Variants in SUGCT observed in about 807,000 individuals in gnomAD.
SUGCT encodes succinyl-CoA:glutarate-CoA transferase.
In SUGCT, 41 loss-of-function variants were observed where a neutral mutation model predicts 55.0. That is an observed-to-expected ratio of 0.74 (90% CI 0.58 to 0.97). SUGCT has a LOEUF of 0.97. Among genes scored for constraint, SUGCT ranks in the 50% least tolerant of loss-of-function variants. SUGCT has a pLI of 0.00. For synonymous variants in SUGCT, 187 were observed against 200.4 expected, an observed-to-expected ratio of 0.93 and a Z score of 0.56; for missense variants, 568 against 547.8, an observed-to-expected ratio of 1.04 and a Z score of -0.37.
At chr7:40,504,342 A>G (rs1470268434) in intron 12 of SUGCT, among the ~76,000 whole-genome samples, 4 of 152,164 alleles carry the variant, frequency 2.6e-5, no homozygotes, top group Non-Finnish European at 5.9e-5. Context: ...ATGAGATCTC[A>G]CTATGTTGCC....
intron 12 of SUGCT, among the ~76,000 whole-genome samples, chr7:40,673,373 C>T (rs1802036079): frequency 6.6e-6 from 1 of 152,146 alleles, no homozygotes; most frequent in Non-Finnish European, 1.5e-5. Context: ...TATAAACCAC[C>T]TGTGGGCTCT....
intron 12 of SUGCT, among the ~76,000 whole-genome samples, chr7:40,531,759 C>G (rs572212855): frequency 6.6e-6 from 1 of 152,164 alleles, no homozygotes; most frequent in East Asian, 1.9e-4. Flanking sequence ...CTGTAAGCTC[C>G]GCTTCCCGGG....
intron 6 of SUGCT, among the ~76,000 whole-genome samples, chr7:40,196,979 C>G (rs1474624246): frequency 6.6e-6 from 1 of 152,018 alleles, no homozygotes; most frequent in Non-Finnish European, 1.5e-5. Flanking sequence ...GGATTACGGG[C>G]ATGTACCACC....
At chr7:40,241,466 C>T (rs1033029729) in intron 7 of SUGCT, among the ~76,000 whole-genome samples, 29 of 151,334 alleles carry the variant, frequency 1.9e-4, no homozygotes, top group African/African-American at 6.8e-4. Flanking sequence ...GTAATCCCAG[C>T]CACCCGGAAG....
intron 9 of SUGCT, among the ~76,000 whole-genome samples, chr7:40,329,515 A>T (rs1225445104): frequency 6.6e-6 from 1 of 152,146 alleles, no homozygotes; most frequent in Non-Finnish European, 1.5e-5. Flanking sequence ...TCACCTGGAA[A>T]GTATTTACTC....
chr7:40,981,781 C>G, the SUGCT span, among the ~76,000 whole-genome samples: 52 of 152,298 alleles, frequency 3.4e-4, 2 homozygotes, highest in South Asian at 0.011. Flanking sequence ...ACAAATATTG[C>G]CTTTCCTCCA....
At position 40,227,670 on chromosome 7, in the gene SUGCT, A is replaced by T. The variant is rs373488080; in HGVS notation, c.485-9965A>T. On this transcript the variant is annotated intron_variant, in intron 6 of 13. Coordinates refer to ENST00000335693, the MANE Select transcript of SUGCT (RefSeq NM_001193313.2). ...TATACGTCTCAATTATTTTAAAGCAAACCTCAGATTTCATCATTTCATTTC... is the reference window on the plus strand; with the variant it reads ...TATACGTCTCAATTATTTTAAAGCATACCTCAGATTTCATCATTTCATTTC... Among the ~76,000 whole-genome samples, 52 of 152,096 alleles carry T rather than the reference A, an allele frequency of 3.4e-4. No homozygotes were observed. The South Asian group carries it at 8.9e-3, about 26-fold the overall frequency.
At chr7:40,936,964 C>A in the SUGCT span, among the ~76,000 whole-genome samples, 2 of 151,926 alleles carry the variant, frequency 1.3e-5, no homozygotes, top group South Asian at 2.1e-4. Flanking sequence ...CATGTCAATT[C>A]TTTGTATGAT....
At chr7:40,273,601 A>C (rs1490174983) in intron 7 of SUGCT, among the ~76,000 whole-genome samples, 2 of 152,196 alleles carry the variant, frequency 1.3e-5, no homozygotes, top group Non-Finnish European at 2.9e-5. Flanking sequence ...CAAGGATTGG[A>C]TTGTCAAATC....
At chr7:40,207,930 C>G (rs1262744392) in intron 6 of SUGCT, among the ~76,000 whole-genome samples, 1 of 152,110 alleles carries the variant, frequency 6.6e-6, no homozygotes, top group Non-Finnish European at 1.5e-5. Context: ...TTCACAGTAG[C>G]TAAAACATCA....
intron 9 of SUGCT, among the ~76,000 whole-genome samples, chr7:40,339,506 G>A (rs112947823): frequency 0.015 from 2,316 of 152,256 alleles, 49 homozygotes; most frequent in South Asian, 0.06. Flanking sequence ...CGCTGTGCTA[G>A]CAATGAGTGA....
At chr7:40,671,316 C>T (rs1010876585) in intron 12 of SUGCT, among the ~76,000 whole-genome samples, 7 of 151,954 alleles carry the variant, frequency 4.6e-5, no homozygotes, top group East Asian at 1.9e-4. Flanking sequence ...ATAAGACTCT[C>T]GGAAAAGTAT....
chr7:40,693,401 T>A (rs1312541278), intron 12 of SUGCT, among the ~76,000 whole-genome samples: 1 of 152,206 alleles, frequency 6.6e-6, no homozygotes, highest in Non-Finnish European at 1.5e-5. Context: ...TTCCAAATGC[T>A]TTACATGCAT....
the SUGCT span, among the ~76,000 whole-genome samples, chr7:40,980,406 T>A: frequency 1.3e-5 from 2 of 152,174 alleles, no homozygotes; most frequent in African/African-American, 4.8e-5. Context: ...CAAAATGTAT[T>A]AATTCCTCCC....
rs1786844620 is a variant in SUGCT, at chr7:40,414,221, G to A, written c.817-35066G>A. Among the ~76,000 whole-genome samples, 4 of 152,192 alleles carry A rather than the reference G, an allele frequency of 2.6e-5. No homozygotes were observed. The South Asian group carries it at 8.3e-4, about 32-fold the overall frequency. ...GTTTTACATACCCACAAGCAAATGT[G>A]GTCTGAATATACTAAATGGAAAATT... On this transcript the variant is annotated intron_variant, in intron 9 of 13. Coordinates refer to ENST00000335693, the MANE Select transcript of SUGCT (RefSeq NM_001193313.2).
At chr7:40,957,098 A>G in the SUGCT span, among the ~76,000 whole-genome samples, 3 of 152,114 alleles carry the variant, frequency 2.0e-5, no homozygotes, top group African/African-American at 7.2e-5. Context: ...TATTCTGTTG[A>G]TTTTGGGTGG....
intron 13 of SUGCT, among the ~76,000 whole-genome samples, chr7:40,835,700 T>G (rs1792930303): frequency 6.6e-6 from 1 of 152,206 alleles, no homozygotes. Flanking sequence ...TAAACATATT[T>G]ATGGATTTGA....
At chr7:40,774,745 G>A (rs1317477685) in intron 13 of SUGCT, among the ~76,000 whole-genome samples, 1 of 150,256 alleles carries the variant, frequency 6.7e-6, no homozygotes, top group African/African-American at 2.5e-5. Flanking sequence ...TACTGTAACT[G>A]TGAAATATAA....
At chr7:40,958,893 T>G in the SUGCT span, among the ~76,000 whole-genome samples, 87 of 152,326 alleles carry the variant, frequency 5.7e-4, no homozygotes, top group African/African-American at 2.1e-3. Flanking sequence ...GCTTCCTGTT[T>G]GTTAGTTTTC....
Sources: allele counts gnomAD v4.1 joint callset (sites outside exome capture counted in the v4.1 genomes callset), GRCh38; gene constraint gnomAD v4.1.1; transcripts MANE v1.5; gene names NCBI Gene and HGNC (gene_info 2026-07-23, HGNC 2026-07-21).